Variants in PTPRN2 observed in about 807,000 individuals in gnomAD.
The protein encoded by PTPRN2 is receptor-type tyrosine-protein phosphatase N2.
A neutral mutation model predicts 118.8 loss-of-function variants in PTPRN2; 74 were observed. The ratio of observed to expected loss-of-function variants is 0.62; its 90% CI spans 0.52 to 0.76. The LOEUF (loss-of-function observed/expected upper bound fraction) is 0.76, where lower values mean the gene tolerates loss of function less well. Among genes scored for constraint, PTPRN2 ranks in the 30% least tolerant of loss-of-function variants. The probability of loss-of-function intolerance (pLI) is 0.00; values close to 1 mark genes in which losing one functional copy is unlikely to be tolerated. For synonymous variants in PTPRN2, 641 were observed against 608.0 expected (o/e 1.05, Z -0.80); for missense variants, 1,481 against 1,394.4 (o/e 1.06, Z -0.99).
chr7:158,193,633 C>G (rs903581573), intron 4 of PTPRN2, among the ~76,000 whole-genome samples: 1 of 152,022 alleles, frequency 6.6e-6, no homozygotes, highest in Admixed American at 6.5e-5. Flanking sequence ...GCCTGGGACA[C>G]GATGGGCATG....
chr7:158,268,933 G>A (rs531716367), intron 3 of PTPRN2, among the ~76,000 whole-genome samples: 39 of 151,800 alleles, frequency 2.6e-4, no homozygotes, highest in African/African-American at 9.0e-4. Context: ...CGTGCACACA[G>A]GGCGGGTGTG....
Position 158,192,497 on chromosome 7 carries a change from T to C in PTPRN2, c.381-2A>G. On this transcript the variant is annotated splice_acceptor_variant, in intron 4 of 22. Coordinates refer to ENST00000389418, the MANE Select transcript of PTPRN2 (RefSeq NM_002847.5). LOFTEE classifies it high-confidence loss of function. ...CTGCCAACGCTGTGTTTTGAGGGCC[T>C]GAAAAAGCAAAAGAAACCAGACATC... 2 of 1,578,160 alleles carry C rather than the reference T, an allele frequency of 1.3e-6. No individual in the cohort carries two copies. Among genetic ancestry groups the C allele is most frequent in the Non-Finnish European group, 1.7e-6 (2 of 1,165,724 alleles).
intron 1 of PTPRN2, chr7:158,539,781 G>C (rs1022565643): frequency 1.6e-5 from 4 of 255,478 alleles, no homozygotes; most frequent in Non-Finnish European, 3.1e-5. Flanking sequence ...CTGTGAGCCT[G>C]GAGCTGGTGA....
Position 158,270,946 on chromosome 7 carries a change from C to T in PTPRN2, c.277+45873G>A, listed in dbSNP as rs184660182. The stretch of plus-strand genomic sequence containing the variant: ...CCACCCCCCCCACCTGGACCACCCC[C>T]CCACCTGGACCACCCCTCCACCTGG... On this transcript the variant is annotated intron_variant, in intron 3 of 22. Transcript: ENST00000389418. 4.1e-3 allele frequency among the ~76,000 whole-genome samples: 51 copies of T among 12,470 alleles called. 2 individuals are homozygous for T. Among genetic ancestry groups the T allele is most frequent in the South Asian group, 0.014 (7 of 506 alleles). 8.2% of individuals were successfully genotyped at this position (12,470 alleles called of 152,430 possible).
chr7:157,966,968 A>T (rs994649663), intron 11 of PTPRN2, among the ~76,000 whole-genome samples: 3 of 152,230 alleles, frequency 2.0e-5, no homozygotes, highest in Non-Finnish European at 4.4e-5. Flanking sequence ...GTTTGAAAGT[A>T]TATTTGTTTT....
At chr7:157,752,666 C>T (rs1241710511) in intron 12 of PTPRN2, among the ~76,000 whole-genome samples, 1 of 152,240 alleles carries the variant, frequency 6.6e-6, no homozygotes, top group Non-Finnish European at 1.5e-5. Flanking sequence ...CAGAGGCCAC[C>T]CTCTCTGTTT....
At chr7:157,699,719 G>A (rs1055887328) in intron 12 of PTPRN2, among the ~76,000 whole-genome samples, 3 of 152,230 alleles carry the variant, frequency 2.0e-5, no homozygotes, top group Middle Eastern at 3.4e-3. Context: ...GGGAGCCACC[G>A]CACCCTGCCC....
intron 11 of PTPRN2, among the ~76,000 whole-genome samples, chr7:157,975,243 T>G (rs6954704): frequency 0.042 from 6,351 of 152,192 alleles, 441 homozygotes; most frequent in African/African-American, 0.14. Context: ...CACCCCATGA[T>G]TCCAACCACT....
Position 157,615,823 on chromosome 7 carries a change from G to A in PTPRN2, c.2344+5539C>T, listed in dbSNP as rs1165585563. 2.8e-6 allele frequency: 1 copy of A among 360,296 alleles called. No homozygotes were observed. Among genetic ancestry groups the A allele is most frequent in the African/African-American group, 2.1e-5 (1 of 46,836 alleles). 22.3% of individuals were successfully genotyped at this position (360,296 alleles called of 1,614,324 possible). A position where few individuals can be genotyped will look rare whatever the true frequency, so the allele number is the denominator to read the frequency against. ...TTAAACTTGACTGTCACCAACGGGGGGTGGGGGGTGCGCGAGGCCCTGGGC... is the reference window on the plus strand; with the variant it reads ...TTAAACTTGACTGTCACCAACGGGGAGTGGGGGGTGCGCGAGGCCCTGGGC... On this transcript the variant is annotated intron_variant, in intron 15 of 22. Transcript: ENST00000389418. This position sits in a 1 kb window ranked among gnomAD's most constrained non-coding sequence, Gnocchi z 4.3.
intron 11 of PTPRN2, among the ~76,000 whole-genome samples, chr7:158,064,365 C>A (rs560049489): frequency 7.2e-5 from 11 of 152,062 alleles, no homozygotes; most frequent in Non-Finnish European, 1.0e-4. Context: ...ACGACCAAGA[C>A]GAGATGCCCA....
At chr7:158,075,571 C>A (rs1184431909) in intron 11 of PTPRN2, among the ~76,000 whole-genome samples, 1 of 152,210 alleles carries the variant, frequency 6.6e-6, no homozygotes, top group Non-Finnish European at 1.5e-5. Context: ...CCCACCAGCA[C>A]CACCGGCCCA....
chr7:157,902,180 T>C (rs10280879), intron 11 of PTPRN2, among the ~76,000 whole-genome samples: 151,511 of 152,312 alleles, frequency 0.99, 75,357 homozygotes, highest in Middle Eastern at 1. Context: ...CACTTTCCAC[T>C]GGGCCTCCTG....
At chr7:158,013,310 A>T (rs1806176542) in intron 11 of PTPRN2, among the ~76,000 whole-genome samples, 1 of 152,188 alleles carries the variant, frequency 6.6e-6, no homozygotes, top group African/African-American at 2.4e-5. Flanking sequence ...AGTGTTCATT[A>T]ATCAGAGCTA....
chr7:157,976,037 G>A (rs1159720819), intron 11 of PTPRN2, among the ~76,000 whole-genome samples: 1 of 152,206 alleles, frequency 6.6e-6, no homozygotes, highest in East Asian at 1.9e-4. Context: ...CCCAGCACAG[G>A]GCCCTCCCTC....
chr7:158,433,676 G>A (rs946853443), intron 2 of PTPRN2, among the ~76,000 whole-genome samples: 7 of 151,926 alleles, frequency 4.6e-5, no homozygotes, highest in Admixed American at 2.6e-4. Flanking sequence ...TCTCTCTACC[G>A]TACATTTGTT....
At chr7:158,215,045 G>C (rs1228851960) in intron 3 of PTPRN2, among the ~76,000 whole-genome samples, 1 of 152,212 alleles carries the variant, frequency 6.6e-6, no homozygotes, top group East Asian at 1.9e-4. Context: ...CCAACACTGA[G>C]ATGACCGAGA....
At chr7:157,950,286 A>C (rs7807835) in intron 11 of PTPRN2, among the ~76,000 whole-genome samples, 12 of 152,088 alleles carry the variant, frequency 7.9e-5, no homozygotes, top group African/African-American at 2.9e-4. Context: ...TGGGAAATAC[A>C]AACCCGCAGG....
chr7:157,938,636 A>C (rs940168554), intron 11 of PTPRN2, among the ~76,000 whole-genome samples: 1 of 152,274 alleles, frequency 6.6e-6, no homozygotes, highest in Non-Finnish European at 1.5e-5. Context: ...TAGTCTTACC[A>C]CATAGACAAA....
chr7:157,979,356 C>G (rs550432361), intron 11 of PTPRN2, among the ~76,000 whole-genome samples: 27 of 152,348 alleles, frequency 1.8e-4, no homozygotes, highest in South Asian at 4.1e-4. Context: ...ATGGTTTTCT[C>G]TGGAAAAACC....
Sources: gnomAD v4.1 joint callset for allele counts (sites outside exome capture counted in the v4.1 genomes callset) on GRCh38, gnomAD v4.1.1 for gene constraint, Gnocchi (gnomAD v3.1) non-coding constraint, MANE v1.5 for transcripts, NCBI Gene and HGNC (gene_info 2026-07-23, HGNC 2026-07-21) for gene names.